MTA3: variants seen among roughly 807,000 people sequenced by gnomAD.
The protein encoded by MTA3 is metastasis-associated protein MTA3.
A neutral mutation model predicts 83.5 loss-of-function variants in MTA3; 34 were observed. That is an observed-to-expected ratio of 0.41 (90% CI 0.31 to 0.54). The LOEUF (loss-of-function observed/expected upper bound fraction) is 0.54. Among genes scored for constraint, MTA3 ranks in the 20% least tolerant of loss-of-function variants. The pLI is 0.33. For synonymous variants in MTA3, 303 were observed against 252.7 expected, an observed-to-expected ratio of 1.20 and a Z score of -1.89; for missense variants, 761 against 726.4, an observed-to-expected ratio of 1.05 and a Z score of -0.55.
Position 42,744,601 on chromosome 2 carries a change from C to CTTGAGAGCTAGGT in MTA3, c.1760-8772_1760-8760dup, listed in dbSNP as rs533435240. Among the ~76,000 whole-genome samples the CTTGAGAGCTAGGT allele has an allele frequency of 2.4e-3, 368 of 152,230 alleles. 2 individuals carry two copies. The highest frequency in any genetic ancestry group is 6.8e-3 in the Middle Eastern group (2 of 294). On this transcript the variant is annotated intron_variant, in intron 16 of 16. Coordinates refer to ENST00000405094, the MANE Select transcript of MTA3 (RefSeq NM_001330442.2). ...TCTGAGAAGGAAAGTGTAGCTCTGA[C>CTTGAGAGCTAGGT]TTGAGAGCTAGGTCTGAGAGCTAGG... is the stretch of plus-strand genomic sequence containing the variant.
At chr2:42,688,731 C>G (rs1184489050) in intron 9 of MTA3, among the ~76,000 whole-genome samples, 1 of 147,902 alleles carries the variant, frequency 6.8e-6, no homozygotes, top group East Asian at 2.0e-4. Flanking sequence ...TTGGTAGATT[C>G]TTTCTACATA....
chr2:42,723,214 C>T lies in MTA3; in HGVS notation c.1759+179C>T, dbSNP rs1035716173. The T allele has an allele frequency of 8.4e-6, 6 of 716,150 alleles. No homozygotes were observed. The African/African-American group carries it at 9.0e-5, about 11-fold the overall frequency. The allele number at this position is 716,150 out of a possible 1,614,324, so 44.4% of individuals were successfully genotyped here. A position where few individuals can be genotyped will look rare whatever the true frequency, so the allele number is the denominator to read the frequency against. ...CCACATTTTGCCAAGGGATAGTTCTCCATCCCATCAGGAGGTACTTATTTG... is the reference window on the plus strand; with the variant it reads ...CCACATTTTGCCAAGGGATAGTTCTTCATCCCATCAGGAGGTACTTATTTG... On this transcript the variant is annotated intron_variant, in intron 16 of 16. Transcript: ENST00000405094.
intron 12 of MTA3, among the ~76,000 whole-genome samples, chr2:42,705,810 C>G (rs1285318274): frequency 1.3e-5 from 2 of 152,002 alleles, no homozygotes; most frequent in Non-Finnish European, 2.9e-5. Flanking sequence ...GATGAATAAG[C>G]TATTTTTATT....
At chr2:42,726,598 A>G (rs1667837969) in intron 16 of MTA3, among the ~76,000 whole-genome samples, 1 of 152,046 alleles carries the variant, frequency 6.6e-6, no homozygotes. Flanking sequence ...GAGTGAGAAC[A>G]TGCGGTGTTT....
At chr2:42,551,828 A>C (rs1677121059) in intron 2 of MTA3, among the ~76,000 whole-genome samples, 1 of 151,752 alleles carries the variant, frequency 6.6e-6, no homozygotes, top group Non-Finnish European at 1.5e-5. Flanking sequence ...CCTGGGTTGA[A>C]GCAATTCTCT....
intron 2 of MTA3, among the ~76,000 whole-genome samples, chr2:42,578,410 A>T (rs1028029405): frequency 6.6e-6 from 1 of 152,206 alleles, no homozygotes; most frequent in Non-Finnish European, 1.5e-5. Flanking sequence ...TGCATTGTAG[A>T]TTGTAGCCAA....
intron 8 of MTA3, among the ~76,000 whole-genome samples, chr2:42,678,400 T>G (rs1691574465): frequency 6.6e-6 from 1 of 152,140 alleles, no homozygotes; most frequent in Non-Finnish European, 1.5e-5. Flanking sequence ...TGCAGTGGCG[T>G]GATCTCGGCT....
chr2:42,538,539 C>G (rs1676359920), intron 2 of MTA3, among the ~76,000 whole-genome samples: 1 of 151,750 alleles, frequency 6.6e-6, no homozygotes, highest in South Asian at 2.1e-4. Flanking sequence ...GAAATGCCAT[C>G]TCTACTAAAA....
chr2:42,649,110 A>T (rs1048041142), intron 6 of MTA3, among the ~76,000 whole-genome samples: 2 of 152,008 alleles, frequency 1.3e-5, no homozygotes, highest in African/African-American at 2.4e-5. Flanking sequence ...AATAGCTGTT[A>T]TCGGCCGGGT....
intron 4 of MTA3, among the ~76,000 whole-genome samples, chr2:42,618,071 A>C (rs903584348): frequency 6.6e-6 from 1 of 152,050 alleles, no homozygotes; most frequent in Non-Finnish European, 1.5e-5. Flanking sequence ...CAGCCTTCCA[A>C]GTAGCTGGGA....
chr2:42,509,295 G>A (rs1381414711), intron 2 of MTA3, among the ~76,000 whole-genome samples: 8 of 151,926 alleles, frequency 5.3e-5, no homozygotes, highest in African/African-American at 1.5e-4. Context: ...CGCTTGCCTC[G>A]GCCTCCCAGA....
At chr2:42,752,929 CT>C (rs1460463160) in intron 16 of MTA3, among the ~76,000 whole-genome samples, 30 of 148,210 alleles carry the variant, frequency 2.0e-4, no homozygotes, top group Non-Finnish European at 2.8e-4. Context: ...ATTGTGAGCC[CT>C]TTTTTTTTTT....
Position 42,497,963 on chromosome 2 carries a change from A to T in MTA3, c.-141+2709A>T, listed in dbSNP as rs182189741. The stretch of plus-strand genomic sequence containing the variant: ...ACCTGAAACAAAAAATTCAGTAAAA[A>T]GTTGTGACCCTTTTACTGCTGACTC... On this transcript the variant is annotated intron_variant, in intron 2 of 17. Coordinates refer to the MTA3 transcript ENST00000405592. 7.2e-5 allele frequency among the ~76,000 whole-genome samples: 11 copies of T among 152,324 alleles called. No individual in the cohort carries two copies. The East Asian group carries it at 1.9e-3, about 27-fold the overall frequency.
In MTA3 at chr2:42,715,814, C is replaced by A. The variant is rs533956247; in HGVS notation, c.1526-3174C>A. Reference sequence around the variant, plus strand: ...GCAGTTTTCCTTTGGGTCATCTAGACTGGAATAAAAGGCAAATCTTATTAC... The same window carrying A: ...GCAGTTTTCCTTTGGGTCATCTAGAATGGAATAAAAGGCAAATCTTATTAC... On this transcript the variant is annotated intron_variant, in intron 14 of 16. Transcript: ENST00000405094. Among the ~76,000 whole-genome samples, 9 of 152,218 alleles carry A rather than the reference C, an allele frequency of 5.9e-5. No individual in the cohort carries two copies. In the South Asian group the frequency reaches 1.7e-3, roughly 28 times the overall value.
chr2:42,594,528 G>A (rs1425876996), intron 3 of MTA3, among the ~76,000 whole-genome samples: 1 of 149,260 alleles, frequency 6.7e-6, no homozygotes, highest in Non-Finnish European at 1.5e-5. Context: ...GGGAGCCACT[G>A]CACCAGGCCT....
intron 2 of MTA3, among the ~76,000 whole-genome samples, chr2:42,507,588 C>CT (rs922249270): frequency 5.4e-5 from 8 of 148,494 alleles, no homozygotes; most frequent in South Asian, 4.3e-4. Context: ...AACCTTTCAT[C>CT]TTTTTTTTTA....
At chr2:42,563,074 T>C (rs902942860) in intron 2 of MTA3, among the ~76,000 whole-genome samples, 2 of 152,048 alleles carry the variant, frequency 1.3e-5, no homozygotes, top group African/African-American at 4.8e-5. Context: ...ACCCACTGCC[T>C]CTACCCTAGG....
chr2:42,629,265 G>C (rs1219464254), intron 4 of MTA3, among the ~76,000 whole-genome samples: 2 of 151,954 alleles, frequency 1.3e-5, no homozygotes, highest in Non-Finnish European at 2.9e-5. Flanking sequence ...ATCTTTAGTA[G>C]AGACAGGGTT....
intron 2 of MTA3, chr2:42,511,879 T>G (rs986454207): frequency 1.3e-5 from 2 of 151,938 alleles, no homozygotes; most frequent in African/African-American, 4.8e-5. Context: ...TAGCCCGGCG[T>G]CGTGGCGTGT....
Sources: allele counts gnomAD v4.1 joint callset (sites outside exome capture counted in the v4.1 genomes callset), GRCh38; gene constraint gnomAD v4.1.1; transcripts MANE v1.5; gene names NCBI Gene and HGNC (gene_info 2026-07-23, HGNC 2026-07-21).